PCLO: variants seen among roughly 807,000 people sequenced by gnomAD.
The protein encoded by PCLO is piccolo presynaptic cytomatrix protein, also known as protein piccolo.
A neutral mutation model predicts 427.5 loss-of-function variants in PCLO; 82 were observed. That is an observed-to-expected ratio of 0.19 (90% CI 0.16 to 0.23). PCLO has a LOEUF of 0.23. Ranked by LOEUF, PCLO falls within the 10% of genes least tolerant of loss-of-function variation. The pLI is 1.00. For missense variants in PCLO, 6,239 were observed against 6,115.9 expected (o/e 1.02, Z -0.67); for synonymous variants, 2,357 against 2,155.4 (o/e 1.09, Z -2.59).
At chr7:82,971,380 T>C (rs1795899337) in intron 3 of PCLO, among the ~76,000 whole-genome samples, 1 of 151,352 alleles carries the variant, frequency 6.6e-6, no homozygotes, top group Non-Finnish European at 1.5e-5. Flanking sequence ...CTTATAAATA[T>C]AGTAAGACAA....
chr7:82,808,363 A>G, intron 20 of PCLO, among the ~76,000 whole-genome samples: 1 of 151,958 alleles, frequency 6.6e-6, no homozygotes, highest in South Asian at 2.1e-4. Flanking sequence ...AAAATCGTCC[A>G]TCCTTTGTTT....
chr7:82,869,546 A>G lies in PCLO; in HGVS notation c.13654+9791T>C, dbSNP rs569790962. 4.6e-5 allele frequency among the ~76,000 whole-genome samples: 7 copies of G among 152,198 alleles called. No individual in the cohort carries two copies. The East Asian group carries it at 7.7e-4, about 17-fold the overall frequency. On this transcript the variant is annotated intron_variant, in intron 10 of 24. Transcript: ENST00000333891. ...AATTGTTCCGAGAGCATCCTGACAAACGGCTCTAGGATGGATCCACCTACG... is the reference window on the plus strand; with the variant it reads ...AATTGTTCCGAGAGCATCCTGACAAGCGGCTCTAGGATGGATCCACCTACG...
chr7:83,072,617 T>G (rs2116361399), intron 3 of PCLO, among the ~76,000 whole-genome samples: 1 of 152,194 alleles, frequency 6.6e-6, no homozygotes, highest in East Asian at 1.9e-4. Context: ...CTCATTTTTC[T>G]GGGAGTCACC....
intron 3 of PCLO, among the ~76,000 whole-genome samples, chr7:83,133,588 T>C (rs1791629366): frequency 6.6e-6 from 1 of 152,074 alleles, no homozygotes; most frequent in African/African-American, 2.4e-5. Context: ...GAAATTCATA[T>C]ATCTTTCTTT....
intron 3 of PCLO, among the ~76,000 whole-genome samples, chr7:83,047,867 T>G (rs1234357193): frequency 2.6e-5 from 4 of 152,048 alleles, no homozygotes; most frequent in African/African-American, 9.6e-5. Flanking sequence ...ACCAATAATT[T>G]ATCCATCTAC....
At chr7:83,046,747 G>A (rs1385164872) in intron 3 of PCLO, among the ~76,000 whole-genome samples, 1 of 151,924 alleles carries the variant, frequency 6.6e-6, no homozygotes, top group Non-Finnish European at 1.5e-5. Context: ...ATAAATGGGT[G>A]CATACAATTT....
At chr7:82,934,047 ATTGAG>A (rs1327184669) in intron 6 of PCLO, among the ~76,000 whole-genome samples, 1 of 151,956 alleles carries the variant, frequency 6.6e-6, no homozygotes, top group Non-Finnish European at 1.5e-5. Flanking sequence ...TAGCTATTTC[ATTGAG>A]TTGTCTTTGC....
In PCLO at chr7:82,953,868, G is replaced by A. The variant is rs1393263829; in HGVS notation, c.7085C>T (p.Thr2362Ile). 3 of 1,613,694 alleles carry A rather than the reference G, an allele frequency of 1.9e-6. No individual in the cohort carries two copies. In the East Asian group the frequency reaches 6.7e-5, roughly 36 times the overall value. ...MKEQLSTTYF[T>I]SGETFGQEKP... ...TTCCTGACCAAAGGTCTCTCCAGAT[G>A]TAAAGTATGTAGTTGAAAGCTGCTC... is the stretch of plus-strand genomic sequence containing the variant. Residue 2362 changes from threonine (T) to isoleucine (I), a missense_variant, in exon 5 of 25, where the codon ACA becomes ATA. Thr to Ile is a moderately conservative substitution (Grantham distance 89, BLOSUM62 -1). Transcript: ENST00000333891.
intron 3 of PCLO, among the ~76,000 whole-genome samples, chr7:83,038,013 ATATATATATATATATATTTATATATT>A (rs1788846788): frequency 2.1e-5 from 1 of 47,268 alleles, no homozygotes; most frequent in African/African-American, 1.4e-4. Context: ...ATATATATAT[ATATATATATATATATATTTATATATT>A]TATATATATA....
intron 6 of PCLO, among the ~76,000 whole-genome samples, chr7:82,919,982 T>C (rs1351078488): frequency 6.6e-6 from 1 of 151,928 alleles, no homozygotes; most frequent in East Asian, 1.9e-4. Flanking sequence ...GTGTGTACTA[T>C]GTTTTAGGAC....
intron 3 of PCLO, among the ~76,000 whole-genome samples, chr7:83,107,920 C>T (rs1562967647): frequency 7.4e-6 from 1 of 135,604 alleles, no homozygotes; most frequent in Non-Finnish European, 1.5e-5. Flanking sequence ...ATCCAGTAGG[C>T]GGAAGATGCA....
rs529357006 is a variant in PCLO at position 83,013,473 on chromosome 7, T to C, written c.3301-46986A>G. Among the ~76,000 whole-genome samples, 84 of 152,286 alleles carry C rather than the reference T, an allele frequency of 5.5e-4. 1 individual carries two copies. The South Asian group carries it at 0.017, about 31-fold the overall frequency. ...TGTTGTCAAGATAAAATTAAAAGTGTGTATAGAAGTGCCTTGCATAGTGTC... is the reference window on the plus strand; with the variant it reads ...TGTTGTCAAGATAAAATTAAAAGTGCGTATAGAAGTGCCTTGCATAGTGTC... On this transcript the variant is annotated intron_variant, in intron 3 of 24. Coordinates refer to ENST00000333891, the MANE Select transcript of PCLO (RefSeq NM_033026.6).
At chr7:82,859,289 C>T (rs79584527) in intron 10 of PCLO, among the ~76,000 whole-genome samples, 9,222 of 152,242 alleles carry the variant, frequency 0.061, 380 homozygotes, top group East Asian at 0.15. Context: ...TATAGCAGGC[C>T]TTGGGCAAGA....
chr7:82,797,722 A>G (rs1791256618), intron 22 of PCLO, among the ~76,000 whole-genome samples: 1 of 152,156 alleles, frequency 6.6e-6, no homozygotes, highest in Admixed American at 6.5e-5. Flanking sequence ...ATTAGTGGAG[A>G]TAGTCTGAAA....
At chr7:83,001,988 C>T (rs1315022182) in intron 3 of PCLO, among the ~76,000 whole-genome samples, 1 of 151,986 alleles carries the variant, frequency 6.6e-6, no homozygotes, top group Admixed American at 6.6e-5. Context: ...TGCCCAGGTC[C>T]TATCAGGCTT....
At chr7:82,833,407 T>C (rs181498714) in intron 16 of PCLO, among the ~76,000 whole-genome samples, 2 of 152,178 alleles carry the variant, frequency 1.3e-5, no homozygotes, top group Admixed American at 6.6e-5. Flanking sequence ...ACAGGAAGTA[T>C]TGAGTTCACG....
Position 83,105,401 on chromosome 7 carries a change from G to A in PCLO, c.3300+28849C>T, listed in dbSNP as rs10259869. Among the ~76,000 whole-genome samples, 1,257 of 152,228 alleles carry A rather than the reference G, an allele frequency of 8.3e-3. 18 individuals carry two copies. Among genetic ancestry groups the A allele is most frequent in the African/African-American group, 0.027 (1,117 of 41,530 alleles). On this transcript the variant is annotated intron_variant, in intron 3 of 24. Coordinates refer to ENST00000333891, the MANE Select transcript of PCLO (RefSeq NM_033026.6). Reference sequence around the variant, plus strand: ...TTTGGGATCATATCCCTGCGTATTAGCTATTTATATATCCTCAGTCCAATT... The same window carrying A: ...TTTGGGATCATATCCCTGCGTATTAACTATTTATATATCCTCAGTCCAATT...
chr7:83,075,038 T>A (rs185193634), intron 3 of PCLO, among the ~76,000 whole-genome samples: 2 of 152,250 alleles, frequency 1.3e-5, no homozygotes, highest in Admixed American at 1.3e-4. Flanking sequence ...ATAAAGTACA[T>A]CTGAAACTAC....
intron 13 of PCLO, among the ~76,000 whole-genome samples, chr7:82,842,472 T>C (rs749336246): frequency 2.6e-5 from 4 of 152,106 alleles, no homozygotes; most frequent in Non-Finnish European, 2.9e-5. Context: ...CTCTATGACA[T>C]TGGTCTGACC....
Sources: gnomAD v4.1 joint callset for allele counts (sites outside exome capture counted in the v4.1 genomes callset) on GRCh38, gnomAD v4.1.1 for gene constraint, MANE v1.5 for transcripts, NCBI Gene and HGNC (gene_info 2026-07-23, HGNC 2026-07-21) for gene names.